The following LRRC74A variants were observed in gnomAD, a reference collection of about 807,000 sequenced individuals.
The protein encoded by LRRC74A is leucine rich repeat containing 74A.
LRRC74A carries 44 observed loss-of-function variants against 57.9 expected under a neutral mutation model. The observed-to-expected ratio is 0.76, with a 90% confidence interval of 0.60 to 0.98. The LOEUF (loss-of-function observed/expected upper bound fraction) is 0.98. Ranked by LOEUF, LRRC74A falls within the 50% of genes least tolerant of loss-of-function variation. The pLI is 0.00. For synonymous variants in LRRC74A, 211 were observed against 219.4 expected, an observed-to-expected ratio of 0.96 and a Z score of 0.34; for missense variants, 572 against 574.0, an observed-to-expected ratio of 1.00 and a Z score of 0.04.
At chr14:76,847,820 G>T (rs1311195315) in intron 7 of LRRC74A, among the ~76,000 whole-genome samples, 2 of 152,058 alleles carry the variant, frequency 1.3e-5, no homozygotes, top group Non-Finnish European at 2.9e-5. Flanking sequence ...AGGCCAAGAT[G>T]GGAAGCCAGG....
intron 3 of LRRC74A, 108 bp downstream of exon 3, chr14:76,831,483 T>C: frequency 8.7e-7 from 1 of 1,149,962 alleles, no homozygotes; most frequent in East Asian, 2.4e-5. Flanking sequence ...ACCCACACTT[T>C]ATGCCCTTAT....
chr14:76,835,486 CAAAAA>C (rs11362184), intron 3 of LRRC74A, among the ~76,000 whole-genome samples: 2 of 130,738 alleles, frequency 1.5e-5, no homozygotes, highest in Admixed American at 7.7e-5. Context: ...GACTCCATCT[CAAAAA>C]AAAAAAAAAA....
intron 4 of LRRC74A, among the ~76,000 whole-genome samples, chr14:76,836,594 G>A (rs1260038629): frequency 6.6e-6 from 1 of 152,238 alleles, no homozygotes; most frequent in Non-Finnish European, 1.5e-5. Flanking sequence ...GAGGTCAGGA[G>A]TTCAAACCCA....
At chr14:76,830,302 C>T (rs775046653) in intron 2 of LRRC74A, among the ~76,000 whole-genome samples, 60 of 152,320 alleles carry the variant, frequency 3.9e-4, no homozygotes, top group South Asian at 1.9e-3. Flanking sequence ...CAGACATAGA[C>T]GCCAGCTGGC....
chr14:76,847,017 C>A (rs1897154779), intron 7 of LRRC74A, among the ~76,000 whole-genome samples: 1 of 152,086 alleles, frequency 6.6e-6, no homozygotes, highest in African/African-American at 2.4e-5. Flanking sequence ...TCGAACTGAC[C>A]TTTGGGTCAC....
chr14:76,850,014 C>T (rs964870683), intron 7 of LRRC74A, among the ~76,000 whole-genome samples: 2 of 151,982 alleles, frequency 1.3e-5, no homozygotes, highest in African/African-American at 4.8e-5. Context: ...TGAGACCATC[C>T]TGGCTAACAC....
intron 11 of LRRC74A, among the ~76,000 whole-genome samples, chr14:76,863,711 C>T (rs1898513776): frequency 6.6e-6 from 1 of 152,184 alleles, no homozygotes; most frequent in Admixed American, 6.5e-5. Context: ...GAATTTACTC[C>T]AACTAGGCTA....
chr14:76,852,625 T>TTC (rs1897584664), intron 8 of LRRC74A, among the ~76,000 whole-genome samples, 175 bp downstream of exon 8: 1 of 150,464 alleles, frequency 6.6e-6, no homozygotes, highest in African/African-American at 2.4e-5. Flanking sequence ...TGCACTTTTT[T>TTC]TTTTTTTTTT....
In LRRC74A at chr14:76,826,625, A is replaced by AGGT. The variant is rs766836556; in HGVS notation, c.-71_-69dup. On this transcript the variant is annotated 5_prime_UTR_variant, in exon 1 of 14. Transcript: ENST00000689127. ...GAGTTTGAGACAGAGGTGAATGGAC[A>AGGT]GGTGTGCTTCTTAGGGAAGCAGTCG... 1.2e-6 allele frequency: 2 copies of AGGT among 1,611,310 alleles called. No homozygotes were observed. The highest frequency in any genetic ancestry group is 2.2e-5 in the South Asian group (2 of 90,404).
Position 76,851,866 on chromosome 14 carries a change from A to G in LRRC74A, c.677-499A>G, listed in dbSNP as rs567425042. On this transcript the variant is annotated intron_variant, in intron 7 of 13. Transcript: ENST00000689127. The stretch of plus-strand genomic sequence containing the variant: ...TTTTTAGTAGAGACGCAGTTTCACC[A>G]TGTTGGCCAGGGTGGTCTCGATCTC... Among the ~76,000 whole-genome samples the G allele has an allele frequency of 2.7e-5, 4 of 150,816 alleles. No homozygotes were observed. The South Asian group carries it at 8.4e-4, about 32-fold the overall frequency.
rs544081020 is a variant in LRRC74A, at chr14:76,831,327, C to A, written c.291C>A (p.His97Gln). The A allele has an allele frequency of 6.2e-7, 1 of 1,613,962 alleles. No individual in the cohort carries two copies. Among genetic ancestry groups the A allele is most frequent in the African/African-American group, 1.3e-5 (1 of 75,048 alleles). The change falls in exon 3 of 14, where the codon CAC becomes CAA. Residue 97 changes from histidine (H) to glutamine (Q), a missense_variant. By Grantham distance (24) the His-to-Gln change is conservative (BLOSUM62 0). Transcript: ENST00000689127. Reference protein sequence around the residue: ...NMEESYVNLNHHGLGPRGTKA... With the variant: ...NMEESYVNLNQHGLGPRGTKA... ...AGGAGTCCTACGTGAACCTCAACCACCACGGCCTGGGCCCCAGGGGTACCA... is the reference window on the plus strand; with the variant it reads ...AGGAGTCCTACGTGAACCTCAACCAACACGGCCTGGGCCCCAGGGGTACCA...
intron 10 of LRRC74A, 112 bp downstream of exon 10, chr14:76,857,587 CA>C (rs1898000810): frequency 2.8e-6 from 2 of 712,086 alleles, no homozygotes; most frequent in Admixed American, 4.7e-5. Context: ...GGCCCTCACA[CA>C]AGTGCTCCAT....
chr14:76,858,231 T>C (rs866626960), intron 10 of LRRC74A, among the ~76,000 whole-genome samples: 2 of 152,172 alleles, frequency 1.3e-5, no homozygotes, highest in African/African-American at 2.4e-5. Flanking sequence ...GAGTAAGGTG[T>C]CAGCAGGCCT....
At chr14:76,862,694 A>G (rs1898410614) in intron 11 of LRRC74A, among the ~76,000 whole-genome samples, 1 of 152,190 alleles carries the variant, frequency 6.6e-6, no homozygotes, top group Non-Finnish European at 1.5e-5. Context: ...AAGAATGTCA[A>G]AGATTGAGGT....
intron 11 of LRRC74A, among the ~76,000 whole-genome samples, chr14:76,865,421 C>A (rs978207875): frequency 1.3e-5 from 2 of 152,082 alleles, no homozygotes; most frequent in Admixed American, 6.5e-5. Flanking sequence ...AATGAAATAT[C>A]CTTTTAAAAA....
intron 13 of LRRC74A, 51 bp downstream of exon 13, chr14:76,867,489 G>T: frequency 1.1e-6 from 1 of 948,962 alleles, no homozygotes; most frequent in African/African-American, 1.6e-5. Context: ...GGCCCTGGCT[G>T]GGCTGATGTG....
intron 13 of LRRC74A, among the ~76,000 whole-genome samples, chr14:76,867,813 C>T (rs1198941914): frequency 6.6e-6 from 1 of 152,158 alleles, no homozygotes; most frequent in Non-Finnish European, 1.5e-5. Context: ...GAGGAAGTGT[C>T]GCTCAGGCGG....
At position 76,867,386 on chromosome 14, in the gene LRRC74A, G is replaced by A. The variant is rs781686298; in HGVS notation, c.1339G>A (p.Val447Ile). Residue 447 changes from valine (V) to isoleucine (I), a missense_variant, in exon 13 of 14, where the codon GTC becomes ATC. Transcript: ENST00000689127. ...QNKVPLNQYQ[V>I]REVIKKLDEK... ...CAAGGTCCCCCTGAACCAGTACCAG[G>A]TCAGGGAGGTGATAAAGAAGCTCGA... 1 of 1,596,364 alleles carries A rather than the reference G, an allele frequency of 6.3e-7. No individual in the cohort carries two copies. The highest frequency in any genetic ancestry group is 1.1e-5 in the South Asian group (1 of 90,692).
intron 7 of LRRC74A, among the ~76,000 whole-genome samples, chr14:76,847,325 T>A (rs1413773754): frequency 6.6e-6 from 1 of 152,102 alleles, no homozygotes; most frequent in Admixed American, 6.6e-5. Flanking sequence ...ATTAAAAAAA[T>A]TTGGTGCATA....
Sources: allele counts gnomAD v4.1 joint callset (sites outside exome capture counted in the v4.1 genomes callset), GRCh38; gene constraint gnomAD v4.1.1; transcripts MANE v1.5; gene names NCBI Gene and HGNC (gene_info 2026-07-23, HGNC 2026-07-21).